The following SPATA22 variants were observed in gnomAD, a reference collection of about 807,000 sequenced individuals.
The protein encoded by SPATA22 is spermatogenesis-associated protein 22.
In SPATA22, 29 loss-of-function variants were observed where a neutral mutation model predicts 47.8. The observed-to-expected ratio is 0.61, with a 90% CI of 0.45 to 0.83. SPATA22 has a LOEUF of 0.83. Among genes scored for constraint, SPATA22 ranks in the 40% least tolerant of loss-of-function variants. SPATA22 has a pLI of 0.00. For missense variants in SPATA22, 410 were observed against 421.7 expected (o/e 0.97, Z 0.24); for synonymous variants, 133 against 140.9 (o/e 0.94, Z 0.40).
In SPATA22 at chr17:3,485,787, A is replaced by T. The variant is rs1161851134; in HGVS notation, c.-73-16389T>A. ...CAGTAGAAGACACAAGACTCCTAAA[A>T]CAGAGACAAAGAATAGATTATTGAC... On this transcript the variant is annotated intron_variant, in intron 1 of 8. Coordinates refer to the SPATA22 transcript ENST00000541913. The surrounding 1 kb of genome is among the most constrained non-coding windows in gnomAD (Gnocchi z 4.4). Among the ~76,000 whole-genome samples the T allele has an allele frequency of 6.6e-6, 1 of 152,214 alleles. No individual in the cohort carries two copies. The highest frequency in any genetic ancestry group is 6.5e-5 in the Admixed American group (1 of 15,278).
At chr17:3,508,552 A>G (rs1415640532) in intron 1 of SPATA22, among the ~76,000 whole-genome samples, 1 of 145,406 alleles carries the variant, frequency 6.9e-6, no homozygotes, top group African/African-American at 2.5e-5. Context: ...CATATACACC[A>G]TGGAATACTA....
chr17:3,485,622 G>A lies in SPATA22; in HGVS notation c.-73-16224C>T, dbSNP rs2073704748. 1.3e-5 allele frequency among the ~76,000 whole-genome samples: 2 copies of A among 152,206 alleles called. No homozygotes were observed. The highest frequency in any genetic ancestry group is 2.9e-5 in the Non-Finnish European group (2 of 68,048). On this transcript the variant is annotated intron_variant, in intron 1 of 8. Coordinates refer to the SPATA22 transcript ENST00000541913. This position sits in a 1 kb window ranked among gnomAD's most constrained non-coding sequence, Gnocchi z 4.4. ...ACTGGATCAGAAAGGCAAGGGATCT[G>A]TTTCTCCAAAGTGCTTGTGCTACCA...
intron 5 of SPATA22, among the ~76,000 whole-genome samples, chr17:3,460,563 G>A (rs2073102590): frequency 6.6e-6 from 1 of 151,768 alleles, no homozygotes; most frequent in African/African-American, 2.4e-5. Context: ...CTGAGGTGAG[G>A]GAATCACTTG....
chr17:3,450,899 A>G (rs1305430513), intron 5 of SPATA22, among the ~76,000 whole-genome samples: 2 of 152,240 alleles, frequency 1.3e-5, no homozygotes, highest in Non-Finnish European at 1.5e-5. Flanking sequence ...CTGTTGGAAA[A>G]TGGCACCAAT....
chr17:3,503,364 A>T (rs2074012154), intron 1 of SPATA22: 1 of 152,102 alleles, frequency 6.6e-6, no homozygotes, highest in Admixed American at 6.6e-5. Flanking sequence ...TTTGTACTTT[A>T]CCAAAATTAT....
intron 1 of SPATA22, among the ~76,000 whole-genome samples, chr17:3,498,420 C>T (rs2073943813): frequency 1.3e-5 from 2 of 152,090 alleles, no homozygotes; most frequent in African/African-American, 4.8e-5. Context: ...GAACATAGCT[C>T]ACTGTAGCCT....
chr17:3,505,083 A>G (rs2074028882), intron 1 of SPATA22, among the ~76,000 whole-genome samples: 2 of 38,986 alleles, frequency 5.1e-5, no homozygotes, highest in Non-Finnish European at 9.3e-5. Context: ...GTTCCCTACC[A>G]CCTTTGCCCA....
At chr17:3,493,118 C>T (rs890940727) in intron 1 of SPATA22, among the ~76,000 whole-genome samples, 2 of 152,138 alleles carry the variant, frequency 1.3e-5, no homozygotes, top group East Asian at 1.9e-4. Context: ...TCAGAGATAG[C>T]CTGGTATATG....
chr17:3,509,202 C>T (rs1419522572), intron 1 of SPATA22, among the ~76,000 whole-genome samples: 2 of 150,398 alleles, frequency 1.3e-5, no homozygotes, highest in African/African-American at 4.9e-5. Context: ...TTTATTTCTT[C>T]CAAAAAAAAA....
At chr17:3,441,377 T>C (rs558525112) in intron 8 of SPATA22, 2 of 151,936 alleles carry the variant, frequency 1.3e-5, no homozygotes, top group South Asian at 2.1e-4. Context: ...GAACAGACTT[T>C]ACAAAAAAGA....
At chr17:3,491,378 C>T (rs1179113796) in intron 1 of SPATA22, among the ~76,000 whole-genome samples, 1 of 151,968 alleles carries the variant, frequency 6.6e-6, no homozygotes, top group Non-Finnish European at 1.5e-5. Flanking sequence ...GTCCGTAATC[C>T]AGGAGAAACA....
chr17:3,476,459 G>A, upstream of SPATA22: 1 of 1,426,258 alleles, frequency 7.0e-7, no homozygotes, highest in East Asian at 2.3e-5. Flanking sequence ...GTGTGTGAAA[G>A]AGAACACATA....
At position 3,448,657 on chromosome 17, in the gene SPATA22, T is replaced by C. The variant is rs2072782577; in HGVS notation, c.672+150A>G. 3.9e-5 allele frequency: 23 copies of C among 586,778 alleles called. No homozygotes were observed. In the Admixed American group the frequency reaches 5.1e-4, roughly 13 times the overall value. The allele number at this position is 586,778 out of a possible 1,614,324, so 36.3% of individuals were successfully genotyped here. A position where few individuals can be genotyped will look rare whatever the true frequency, so the allele number is the denominator to read the frequency against. On this transcript the variant is annotated intron_variant, in intron 6 of 8. Coordinates refer to ENST00000572969, the MANE Select transcript of SPATA22 (RefSeq NM_001170698.2). ...AAAATATTTTGGAAACTAACATTCA[T>C]CCACTTCAATGGAACTGAATATTTA... is the stretch of plus-strand genomic sequence containing the variant.
chr17:3,463,859 T>C (rs1441974373), intron 3 of SPATA22, among the ~76,000 whole-genome samples: 1 of 151,964 alleles, frequency 6.6e-6, no homozygotes, highest in Non-Finnish European at 1.5e-5. Flanking sequence ...AGATCGATTA[T>C]ACCTCAGACT....
At position 3,481,656 on chromosome 17, in the gene SPATA22, A is replaced by G. The variant is rs763469507; in HGVS notation, c.-73-12258T>C. 1.4e-5 allele frequency: 22 copies of G among 1,613,934 alleles called. No individual in the cohort carries two copies. Among genetic ancestry groups the G allele is most frequent in the Middle Eastern group, 1.7e-4 (1 of 6,040 alleles). The stretch of plus-strand genomic sequence containing the variant: ...GAAGTGAGAAGGGCTCAAGAAATAA[A>G]TCATTTATTTGGTCCAAAAGACAGT... On this transcript the variant is annotated intron_variant, in intron 1 of 8. Transcript: ENST00000541913.
chr17:3,508,329 G>C (rs949789935), intron 1 of SPATA22, among the ~76,000 whole-genome samples: 3 of 151,422 alleles, frequency 2.0e-5, no homozygotes, highest in African/African-American at 7.3e-5. Flanking sequence ...AACCATTGTG[G>C]AAGTCAGTGT....
At chr17:3,513,600 G>T in exon 1 of SPATA22, 1 of 263,176 alleles carries the variant, frequency 3.8e-6, no homozygotes, top group East Asian at 7.1e-5. Flanking sequence ...ATCTCTCCCA[G>T]CCAAGCCGAC....
At chr17:3,470,295 A>G (rs1308145703) in intron 1 of SPATA22, among the ~76,000 whole-genome samples, 1 of 152,114 alleles carries the variant, frequency 6.6e-6, no homozygotes, top group Non-Finnish European at 1.5e-5. Context: ...TACAACGAAC[A>G]CTTGCCCACT....
intron 1 of SPATA22, chr17:3,494,299 C>G: frequency 7.1e-7 from 1 of 1,412,926 alleles, no homozygotes; most frequent in South Asian, 1.1e-5. Flanking sequence ...CCACCACACC[C>G]GGCCCAGAGA....
Sources: allele counts gnomAD v4.1 joint callset (sites outside exome capture counted in the v4.1 genomes callset), GRCh38; gene constraint gnomAD v4.1.1; non-coding constraint Gnocchi (gnomAD v3.1); transcripts MANE v1.5; gene names NCBI Gene and HGNC (gene_info 2026-07-23, HGNC 2026-07-21).